CNTNAP5: variants seen among roughly 807,000 people sequenced by gnomAD.
The protein encoded by CNTNAP5 is contactin-associated protein-like 5.
In CNTNAP5, 72 loss-of-function variants were observed where a neutral mutation model predicts 150.2. The ratio of observed to expected loss-of-function variants is 0.48; its 90% CI spans 0.40 to 0.58. CNTNAP5 has a LOEUF of 0.58. CNTNAP5 is among the 20% of genes least tolerant of loss of function. The pLI is 0.00. For synonymous variants in CNTNAP5, 672 were observed against 619.8 expected (o/e 1.08, Z -1.25); for missense variants, 1,636 against 1,626.2 (o/e 1.01, Z -0.10).
intron 3 of CNTNAP5, among the ~76,000 whole-genome samples, chr2:124,374,112 T>C (rs1690592512): frequency 6.6e-6 from 1 of 152,104 alleles, no homozygotes. Context: ...AGACTGGTAC[T>C]ATATTTAAGT....
intron 13 of CNTNAP5, among the ~76,000 whole-genome samples, chr2:124,712,706 G>C (rs1395254566): frequency 2.0e-5 from 3 of 151,946 alleles, no homozygotes; most frequent in African/African-American, 7.3e-5. Flanking sequence ...CCTTCTTGCT[G>C]TGTCCTCACA....
At chr2:124,033,778 C>T (rs1218607782) in intron 1 of CNTNAP5, among the ~76,000 whole-genome samples, 1 of 152,184 alleles carries the variant, frequency 6.6e-6, no homozygotes, top group Non-Finnish European at 1.5e-5. Flanking sequence ...CATTAATCTC[C>T]TGAATCTGTA....
chr2:124,667,810 A>C (rs1417905531), intron 13 of CNTNAP5, among the ~76,000 whole-genome samples: 3 of 152,160 alleles, frequency 2.0e-5, no homozygotes, highest in Non-Finnish European at 2.9e-5. Flanking sequence ...TTGTTGATGA[A>C]AGAGAAAAAG....
chr2:124,506,699 T>C (rs1322609119), intron 8 of CNTNAP5, among the ~76,000 whole-genome samples: 1 of 152,218 alleles, frequency 6.6e-6, no homozygotes, highest in Non-Finnish European at 1.5e-5. Context: ...TAGTTATCTA[T>C]AGTTGCATAT....
At chr2:124,670,205 C>T (rs1317038155) in intron 13 of CNTNAP5, among the ~76,000 whole-genome samples, 2 of 118,462 alleles carry the variant, frequency 1.7e-5, no homozygotes, top group Admixed American at 8.0e-5. Context: ...CTCTCTCTTT[C>T]CTTCTTTCCC....
chr2:124,394,221 A>T (rs547934352), intron 3 of CNTNAP5, among the ~76,000 whole-genome samples: 16 of 151,816 alleles, frequency 1.1e-4, no homozygotes, highest in Non-Finnish European at 1.6e-4. Context: ...AAAATACAAA[A>T]ATTAGCTGGG....
chr2:124,863,642 CA>C (rs1677569967), intron 19 of CNTNAP5, among the ~76,000 whole-genome samples: 1 of 152,068 alleles, frequency 6.6e-6, no homozygotes, highest in South Asian at 2.1e-4. Context: ...CTATGAGTAG[CA>C]ACTTATATTT....
rs377082033 is a variant in CNTNAP5 at position 124,781,326 on chromosome 2, G to C, written c.2752+8309G>C. 3.3e-5 allele frequency among the ~76,000 whole-genome samples: 5 copies of C among 152,308 alleles called. No individual in the cohort carries two copies. The East Asian group carries it at 5.8e-4, about 18-fold the overall frequency. On this transcript the variant is annotated intron_variant, in intron 17 of 23. Coordinates refer to ENST00000682447, the MANE Select transcript of CNTNAP5 (RefSeq NM_001367498.1). ...ATGTACTCAAGGCGGTATGAGCAGG[G>C]AAAACTGGATGCAGCTCCCAACTCC...
chr2:124,434,771 A>G, intron 5 of CNTNAP5, 84 bp downstream of exon 5: 1 of 1,219,874 alleles, frequency 8.2e-7, no homozygotes, highest in Non-Finnish European at 1.2e-6. Context: ...CTTGCAGTGT[A>G]TCTGGTGGAA....
At chr2:124,871,891 G>A (rs1021307764) in intron 21 of CNTNAP5, among the ~76,000 whole-genome samples, 1 of 151,918 alleles carries the variant, frequency 6.6e-6, no homozygotes, top group Non-Finnish European at 1.5e-5. Context: ...CTGTTCATCA[G>A]TTCTTAAAAA....
At chr2:124,178,630 G>A (rs1369826840) in intron 1 of CNTNAP5, among the ~76,000 whole-genome samples, 1 of 152,172 alleles carries the variant, frequency 6.6e-6, no homozygotes, top group East Asian at 1.9e-4. Context: ...AGACTACCGA[G>A]TCAACTTTGA....
At chr2:124,300,521 A>C (rs567855257) in intron 3 of CNTNAP5, among the ~76,000 whole-genome samples, 7 of 152,138 alleles carry the variant, frequency 4.6e-5, no homozygotes, top group Non-Finnish European at 1.0e-4. Context: ...GCTGGGAGGA[A>C]GAAGAGCGTA....
chr2:124,197,583 G>T (rs1573828060), intron 1 of CNTNAP5, among the ~76,000 whole-genome samples: 2 of 152,170 alleles, frequency 1.3e-5, no homozygotes, highest in Admixed American at 1.3e-4. Context: ...CACTTGTTTA[G>T]AGTATTTACC....
At chr2:124,070,452 A>T (rs1682278116) in intron 1 of CNTNAP5, among the ~76,000 whole-genome samples, 1 of 151,292 alleles carries the variant, frequency 6.6e-6, no homozygotes. Context: ...CCTTTAAGAA[A>T]CACACCTCAC....
rs143206908 is a variant in CNTNAP5 at position 124,044,329 on chromosome 2, G to C, written c.82+18597G>C. On this transcript the variant is annotated intron_variant, in intron 1 of 23. Coordinates refer to ENST00000682447, the MANE Select transcript of CNTNAP5 (RefSeq NM_001367498.1). Reference sequence around the variant, plus strand: ...CTTAACTTTATACAATTATTAAATAGTTTGCCTGAAATCCAGCCCTGGTCT... The same window carrying C: ...CTTAACTTTATACAATTATTAAATACTTTGCCTGAAATCCAGCCCTGGTCT... Among the ~76,000 whole-genome samples the C allele has an allele frequency of 3.1e-3, 473 of 152,178 alleles. 7 individuals are homozygous for C. The highest frequency in any genetic ancestry group is 0.011 in the African/African-American group (456 of 41,526).
At chr2:124,774,907 C>G (rs577902876) in intron 17 of CNTNAP5, among the ~76,000 whole-genome samples, 25 of 152,300 alleles carry the variant, frequency 1.6e-4, no homozygotes, top group African/African-American at 5.3e-4. Flanking sequence ...AGATTTCTAT[C>G]TGCAGACGTT....
At chr2:124,188,509 G>T (rs1017778719) in intron 1 of CNTNAP5, among the ~76,000 whole-genome samples, 1 of 151,988 alleles carries the variant, frequency 6.6e-6, no homozygotes, top group East Asian at 1.9e-4. Flanking sequence ...CATGAGGTCA[G>T]GAGATGGAGA....
intron 3 of CNTNAP5, among the ~76,000 whole-genome samples, chr2:124,292,229 A>G (rs542278718): frequency 6.6e-6 from 1 of 152,210 alleles, no homozygotes; most frequent in East Asian, 1.9e-4. Flanking sequence ...ATTTCCCAGT[A>G]TCTTTAAGAC....
At chr2:124,436,990 A>G (rs2104797027) in intron 5 of CNTNAP5, among the ~76,000 whole-genome samples, 1 of 152,290 alleles carries the variant, frequency 6.6e-6, no homozygotes, top group South Asian at 2.1e-4. Flanking sequence ...ACTGCCACAG[A>G]TTAGTACTTT....
Sources: allele counts gnomAD v4.1 joint callset (sites outside exome capture counted in the v4.1 genomes callset), GRCh38; gene constraint gnomAD v4.1.1; transcripts MANE v1.5; gene names NCBI Gene and HGNC (gene_info 2026-07-23, HGNC 2026-07-21).